FARP1: variants seen among roughly 807,000 people sequenced by gnomAD.
FARP1 encodes FERM, ARHGEF and pleckstrin domain-containing protein 1.
FARP1 carries 52 observed loss-of-function variants against 128.8 expected under a neutral mutation model. The observed-to-expected ratio is 0.40, with a 90% CI of 0.32 to 0.51. FARP1 has a LOEUF of 0.51. FARP1 is among the 20% of genes least tolerant of loss of function. FARP1 has a pLI of 0.45. For missense variants in FARP1, 1,333 were observed against 1,367.9 expected (o/e 0.97, Z 0.40); for synonymous variants, 580 against 551.8 (o/e 1.05, Z -0.72).
At chr13:98,336,262 T>G (rs917302783) in intron 2 of FARP1, among the ~76,000 whole-genome samples, 2 of 152,182 alleles carry the variant, frequency 1.3e-5, no homozygotes, top group African/African-American at 4.8e-5. Context: ...TTTGTTTGTT[T>G]GTTTTGAGAC....
intron 2 of FARP1, among the ~76,000 whole-genome samples, chr13:98,223,084 C>G (rs2139369703): frequency 6.6e-6 from 1 of 152,206 alleles, no homozygotes; most frequent in Non-Finnish European, 1.5e-5. Flanking sequence ...AGGGGACTGA[C>G]AGATACAGGA....
intron 17 of FARP1, among the ~76,000 whole-genome samples, chr13:98,428,143 C>A (rs181378612): frequency 7.9e-5 from 12 of 151,476 alleles, no homozygotes; most frequent in Non-Finnish European, 1.5e-4. Flanking sequence ...GGAGTGAGGT[C>A]ACACAACCAA....
chr13:98,396,099 G>T (rs1164859069), intron 13 of FARP1: 6 of 399,044 alleles, frequency 1.5e-5, no homozygotes. Context: ...TCCTTAGCCA[G>T]GTAGCATTTA....
intron 2 of FARP1, among the ~76,000 whole-genome samples, chr13:98,336,310 T>C (rs899206777): frequency 6.6e-6 from 1 of 152,144 alleles, no homozygotes; most frequent in African/African-American, 2.4e-5. Context: ...GGAGTGCAGT[T>C]GCGTGATCTT....
intron 2 of FARP1, among the ~76,000 whole-genome samples, chr13:98,255,500 C>A (rs561803325): frequency 6.7e-4 from 96 of 143,638 alleles, no homozygotes; most frequent in Non-Finnish European, 1.3e-3. Context: ...GACTTCATCT[C>A]AAAAAAAAAA....
chr13:98,437,382 T>C (rs1255299309), intron 19 of FARP1, among the ~76,000 whole-genome samples: 2 of 152,188 alleles, frequency 1.3e-5, no homozygotes, highest in Non-Finnish European at 2.9e-5. Context: ...AGGCTGGTGG[T>C]GCAGGCGGTA....
At chr13:98,328,330 T>G (rs1306938740) in intron 2 of FARP1, 2 of 152,170 alleles carry the variant, frequency 1.3e-5, no homozygotes, top group Non-Finnish European at 2.9e-5. Flanking sequence ...TTAAGGTTAC[T>G]CTGGGGTCCC....
intron 2 of FARP1, among the ~76,000 whole-genome samples, chr13:98,336,250 C>A (rs143266070): frequency 6.6e-6 from 1 of 151,870 alleles, no homozygotes; most frequent in Non-Finnish European, 1.5e-5. Context: ...TGTTTTTGTT[C>A]GTTTGTTTGT....
intron 19 of FARP1, 105 bp downstream of exon 19, chr13:98,435,811 G>T (rs1178373530): frequency 1.7e-6 from 2 of 1,197,572 alleles, no homozygotes; most frequent in East Asian, 4.7e-5. Context: ...AAAGCAAAAT[G>T]TCCTCTTTCC....
intron 2 of FARP1, among the ~76,000 whole-genome samples, chr13:98,307,100 C>T (rs981326871): frequency 3.3e-5 from 5 of 152,200 alleles, no homozygotes; most frequent in Non-Finnish European, 5.9e-5. Flanking sequence ...TGAGAGGTCC[C>T]TCTTGACTCG....
chr13:98,210,523 A>G (rs1880616301), intron 1 of FARP1, among the ~76,000 whole-genome samples: 1 of 149,256 alleles, frequency 6.7e-6, no homozygotes, highest in Non-Finnish European at 1.5e-5. Flanking sequence ...CTTTCTCATC[A>G]GTGTTGGACT....
At chr13:98,143,840 C>T (rs964746498) in intron 1 of FARP1, among the ~76,000 whole-genome samples, 7 of 151,810 alleles carry the variant, frequency 4.6e-5, no homozygotes, top group Non-Finnish European at 1.0e-4. Context: ...CCGTCCTACC[C>T]GCCCGCTGAC....
chr13:98,373,591 G>T (rs1264316170), intron 5 of FARP1, among the ~76,000 whole-genome samples: 2 of 133,036 alleles, frequency 1.5e-5, no homozygotes, highest in African/African-American at 2.8e-5. Flanking sequence ...CAGAAAGGGG[G>T]TTGCGGGGAG....
At position 98,384,430 on chromosome 13, in the gene FARP1, T is replaced by C. The variant is rs1411520301; in HGVS notation, c.497-300T>C. Reference sequence around the variant, plus strand: ...CTGATCTCGAACTCCTGACCTCAAGTGATCCACCCGTCCTGGACTCCCAAA... The same window carrying C: ...CTGATCTCGAACTCCTGACCTCAAGCGATCCACCCGTCCTGGACTCCCAAA... On this transcript the variant is annotated intron_variant, in intron 6 of 26. Coordinates refer to ENST00000319562, the MANE Select transcript of FARP1 (RefSeq NM_005766.4). The C allele has an allele frequency of 2.1e-5, 7 of 336,166 alleles. No individual in the cohort carries two copies. The Admixed American group carries it at 2.9e-4, about 14-fold the overall frequency. 20.8% of individuals were successfully genotyped at this position (336,166 alleles called of 1,614,324 possible).
At chr13:98,416,251 T>G (rs371356586) in intron 16 of FARP1, among the ~76,000 whole-genome samples, 3 of 152,308 alleles carry the variant, frequency 2.0e-5, no homozygotes, top group East Asian at 1.9e-4. Context: ...TGATTATCAT[T>G]AATGGAAAGA....
Position 98,439,166 on chromosome 13 carries a change from C to T in FARP1, c.2403C>T (p.Val801=), listed in dbSNP as rs777724042. 3 of 1,613,800 alleles carry T rather than the reference C, an allele frequency of 1.9e-6. No homozygotes were observed. In the South Asian group the frequency reaches 3.3e-5, roughly 18 times the overall value. The change falls in exon 21 of 27, where the codon GTC becomes GTT. Residue 801 remains valine, a synonymous_variant. Transcript: ENST00000319562. ...TGACGGCCTCCAATCAGTTTAAAGT[C>T]CACGGGCAGCTCCCGCTCTATGGCA... The part of the protein sequence containing the change: ...RGLTASNQFK[V]HGQLPLYGMT...
At chr13:98,220,311 G>A (rs1881341222) in intron 2 of FARP1, among the ~76,000 whole-genome samples, 2 of 152,138 alleles carry the variant, frequency 1.3e-5, no homozygotes, top group Admixed American at 1.3e-4. Flanking sequence ...GGAGGAGGAG[G>A]ATAGACCCAA....
intron 2 of FARP1, among the ~76,000 whole-genome samples, chr13:98,323,959 T>C (rs1330723987): frequency 6.6e-6 from 1 of 152,246 alleles, no homozygotes; most frequent in Non-Finnish European, 1.5e-5. Context: ...TAGTCATTTT[T>C]ATATTTATAA....
chr13:98,361,990 A>G lies in FARP1; in HGVS notation c.277-3405A>G, dbSNP rs145687015. On this transcript the variant is annotated intron_variant, in intron 3 of 26. Transcript: ENST00000319562. The stretch of plus-strand genomic sequence containing the variant: ...TTAAAAACAAGTAAACGGGTTGGGC[A>G]AAGTGGCTCATGCCTATAATCCCAG... 7.7e-3 allele frequency among the ~76,000 whole-genome samples: 1,167 copies of G among 152,300 alleles called. 12 individuals are homozygous for G. Among genetic ancestry groups the G allele is most frequent in the Non-Finnish European group, 0.011 (754 of 68,014 alleles).
Sources: allele counts gnomAD v4.1 joint callset (sites outside exome capture counted in the v4.1 genomes callset), GRCh38; gene constraint gnomAD v4.1.1; transcripts MANE v1.5; gene names NCBI Gene and HGNC (gene_info 2026-07-23, HGNC 2026-07-21).